LMTK2: variants seen among roughly 807,000 people sequenced by gnomAD.
LMTK2 encodes lemur tail kinase 2, also known as serine/threonine-protein kinase LMTK2.
A neutral mutation model predicts 127.5 loss-of-function variants in LMTK2; 37 were observed. That is an observed-to-expected ratio of 0.29 (90% CI 0.22 to 0.38). The LOEUF (loss-of-function observed/expected upper bound fraction) is 0.38. Among genes scored for constraint, LMTK2 ranks in the 10% least tolerant of loss-of-function variants. The pLI is 1.00. For missense variants in LMTK2, 1,694 were observed against 1,920.3 expected, an observed-to-expected ratio of 0.88 and a Z score of 2.20; for synonymous variants, 819 against 810.1, an observed-to-expected ratio of 1.01 and a Z score of -0.19.
Position 98,191,715 on chromosome 7 carries a change from A to T in LMTK2, c.1250A>T (p.Asp417Val). ...LTYLRLQSQR[D>V]SEVDFEQQWN... ...TACCTGCGGCTGCAGAGCCAGCGGG[A>T]CTCAGAGGTCGACTTTGAACAGCAG... is the stretch of plus-strand genomic sequence containing the variant. Residue 417 changes from aspartate to valine, a missense_variant, in exon 11 of 14, where the codon GAC (aspartate) becomes GTC (valine). This residue lies in a region of LMTK2 where 216 missense variants were observed against 266.8 expected (regional missense o/e 0.81). Coordinates refer to ENST00000297293, the MANE Select transcript of LMTK2 (RefSeq NM_014916.4). 6.2e-7 allele frequency: 1 copy of T among 1,614,168 alleles called. No individual in the cohort carries two copies. Among genetic ancestry groups the T allele is most frequent in the East Asian group, 2.2e-5 (1 of 44,872 alleles).
At chr7:98,165,065 C>T (rs966737910) in intron 6 of LMTK2, among the ~76,000 whole-genome samples, 6 of 152,208 alleles carry the variant, frequency 3.9e-5, no homozygotes, top group Non-Finnish European at 8.8e-5. Flanking sequence ...TGTCCTTTGA[C>T]AGTAGTGCGT....
In LMTK2 at chr7:98,208,106, C is replaced by A; in HGVS notation, c.*2614C>A. The A allele has an allele frequency of 6.7e-6, 1 of 149,596 alleles. No homozygotes were observed. The highest frequency in any genetic ancestry group is 2.5e-5 in the African/African-American group (1 of 40,430). The allele number at this position is 149,596 out of a possible 1,614,324, so 9.3% of individuals were successfully genotyped here. A position where few individuals can be genotyped will look rare whatever the true frequency, so the allele number is the denominator to read the frequency against. ...AGCCTGGGTAACAGCCAGACCCTGT[C>A]TCAAAAAAAAAAACAATTTTTTTCA... On this transcript the variant is annotated 3_prime_UTR_variant, in exon 14 of 14. Coordinates refer to ENST00000297293, the MANE Select transcript of LMTK2 (RefSeq NM_014916.4).
intron 6 of LMTK2, among the ~76,000 whole-genome samples, chr7:98,170,274 G>A (rs925149194): frequency 1.3e-5 from 2 of 152,116 alleles, no homozygotes; most frequent in Admixed American, 6.5e-5. Flanking sequence ...AAGCACAAAT[G>A]GTGGCAACTA....
At chr7:98,202,998 C>T (rs559584160) in intron 11 of LMTK2, among the ~76,000 whole-genome samples, 2 of 152,324 alleles carry the variant, frequency 1.3e-5, no homozygotes, top group Admixed American at 6.5e-5. Context: ...GGTCCCCTCC[C>T]GCTCGTGATC....
chr7:98,159,859 G>C (rs1796987192), intron 6 of LMTK2, among the ~76,000 whole-genome samples: 1 of 152,118 alleles, frequency 6.6e-6, no homozygotes, highest in African/African-American at 2.4e-5. Context: ...TTTACCTAGA[G>C]TACTCCTCAT....
At chr7:98,165,967 G>A (rs944459677) in intron 6 of LMTK2, among the ~76,000 whole-genome samples, 4 of 152,160 alleles carry the variant, frequency 2.6e-5, no homozygotes, top group East Asian at 1.9e-4. Context: ...TGATTGGGTC[G>A]GGGGTACGTT....
At chr7:98,170,734 G>T (rs1297651479) in intron 6 of LMTK2, among the ~76,000 whole-genome samples, 1 of 152,030 alleles carries the variant, frequency 6.6e-6, no homozygotes, top group African/African-American at 2.4e-5. Flanking sequence ...TCCCTCAGAA[G>T]GTGTTCCCCA....
intron 1 of LMTK2, among the ~76,000 whole-genome samples, chr7:98,134,908 G>C (rs929568786): frequency 6.6e-6 from 1 of 152,200 alleles, no homozygotes; most frequent in Non-Finnish European, 1.5e-5. Flanking sequence ...AGGAAGCACC[G>C]AGTTACCTCC....
chr7:98,152,425 C>A lies in LMTK2; in HGVS notation c.450+970C>A, dbSNP rs114866959. ...TCCCTTCAGCGTTGTCTGTATCTTT[C>A]ATGTCCTCCCAACTGTTTGAGTTCT... On this transcript the variant is annotated intron_variant, in intron 4 of 13. Transcript: ENST00000297293. 5.8e-3 allele frequency among the ~76,000 whole-genome samples: 890 copies of A among 152,338 alleles called. 10 individuals carry two copies. The highest frequency in any genetic ancestry group is 0.02 in the African/African-American group (829 of 41,570).
At chr7:98,109,377 T>C (rs1796165245) in intron 1 of LMTK2, among the ~76,000 whole-genome samples, 1 of 152,104 alleles carries the variant, frequency 6.6e-6, no homozygotes, top group African/African-American at 2.4e-5. Context: ...TTCTGATCTT[T>C]GTAGGATAGG....
chr7:98,159,527 C>T, intron 6 of LMTK2, 102 bp downstream of exon 6: 1 of 771,356 alleles, frequency 1.3e-6, no homozygotes, highest in Non-Finnish European at 2.3e-6. Flanking sequence ...TCATGTCTGT[C>T]CCCCACTTGA....
intron 6 of LMTK2, among the ~76,000 whole-genome samples, chr7:98,166,286 C>A (rs1417030502): frequency 2.0e-5 from 3 of 152,252 alleles, no homozygotes; most frequent in Non-Finnish European, 4.4e-5. Context: ...GCACCTGTAG[C>A]TGGAGCGCTG....
chr7:98,137,319 G>A lies in LMTK2; in HGVS notation c.108G>A (p.Glu36=), dbSNP rs1796609437. ...ATTATTTATCTCTCTTTCCAGGGGAGGCGCCACCTGCTGCAGAAGTTTCCT... is the reference window on the plus strand; with the variant it reads ...ATTATTTATCTCTCTTTCCAGGGGAAGCGCCACCTGCTGCAGAAGTTTCCT... ...AAPLPQTGAG[E]APPAAEVSSS... The change falls in exon 2 of 14, where the codon GAG becomes GAA. Residue 36 remains glutamate, a synonymous_variant. Coordinates refer to ENST00000297293, the MANE Select transcript of LMTK2 (RefSeq NM_014916.4). 3.1e-6 allele frequency: 5 copies of A among 1,608,138 alleles called. No homozygotes were observed. Among genetic ancestry groups the A allele is most frequent in the Non-Finnish European group, 4.2e-6 (5 of 1,178,474 alleles).
At position 98,107,226 on chromosome 7, in the gene LMTK2, G is replaced by GTCCTCCTGA; in HGVS notation, c.52_60dup (p.Leu18_Ile20dup). The GTCCTCCTGA allele has an allele frequency of 6.8e-7, 1 of 1,462,806 alleles. No individual in the cohort carries two copies. Among genetic ancestry groups the GTCCTCCTGA allele is most frequent in the Non-Finnish European group, 9.0e-7 (1 of 1,114,862 alleles). 90.6% of individuals were successfully genotyped at this position (1,462,806 alleles called of 1,614,324 possible). On this transcript the variant is annotated inframe_insertion, in exon 1 of 14. Transcript: ENST00000297293. ...GCGGAGGCTGCTGCTGCTGCTGCTG[G>GTCCTCCTGA]TCCTCCTGATCGCCGGCAGTGCTGG...
At chr7:98,143,068 C>T (rs1464456710) in intron 3 of LMTK2, among the ~76,000 whole-genome samples, 2 of 152,198 alleles carry the variant, frequency 1.3e-5, no homozygotes, top group Non-Finnish European at 2.9e-5. Context: ...AGCTTCTCTT[C>T]AGGATCTACT....
Position 98,193,008 on chromosome 7 carries a change from T to C in LMTK2, c.2543T>C (p.Ile848Thr), listed in dbSNP as rs949709351. Reference sequence around the variant, plus strand: ...ACCCAGCCCACGTGTTTAGATGTTATTGTCCCGGAGGACTGTCTCCACCAG... The same window carrying C: ...ACCCAGCCCACGTGTTTAGATGTTACTGTCCCGGAGGACTGTCTCCACCAG... Reference protein sequence around the residue: ...GETQPTCLDVIVPEDCLHQDI... With the variant: ...GETQPTCLDVTVPEDCLHQDI... The change falls in exon 11 of 14, where the codon ATT becomes ACT. Residue 848 changes from isoleucine to threonine, a missense_variant. Ile to Thr is a moderately conservative substitution (Grantham distance 89, BLOSUM62 -1). Transcript: ENST00000297293. This position sits in a 1 kb window ranked among gnomAD's most constrained non-coding sequence, Gnocchi z 4.1. The C allele has an allele frequency of 1.9e-6, 3 of 1,614,104 alleles. No individual in the cohort carries two copies. Among genetic ancestry groups the C allele is most frequent in the East Asian group, 4.5e-5 (2 of 44,866 alleles).
In LMTK2 at chr7:98,194,610, A is replaced by G. The variant is rs572877811; in HGVS notation, c.4107+38A>G. The G allele has an allele frequency of 2.7e-5, 41 of 1,510,598 alleles. No individual in the cohort carries two copies. Among genetic ancestry groups the G allele is most frequent in the Middle Eastern group, 3.5e-4 (2 of 5,726 alleles). The allele number at this position is 1,510,598 out of a possible 1,614,324, so 93.6% of individuals were successfully genotyped here. ...TCTAAATCATTTTCTATACACATCC[A>G]TATAAGGATTCCAAAATGTGCTAGG... On this transcript the variant is annotated intron_variant, in intron 11 of 13. Transcript: ENST00000297293. This position sits in a 1 kb window ranked among gnomAD's most constrained non-coding sequence, Gnocchi z 5.4.
Position 98,207,430 on chromosome 7 carries a change from T to A in LMTK2, c.*1938T>A, listed in dbSNP as rs1380741981. 1.3e-5 allele frequency: 2 copies of A among 151,810 alleles called. No individual in the cohort carries two copies. The highest frequency in any genetic ancestry group is 4.8e-5 in the African/African-American group (2 of 41,294). 9.4% of individuals were successfully genotyped at this position (151,810 alleles called of 1,614,324 possible). A position where few individuals can be genotyped will look rare whatever the true frequency, so the allele number is the denominator to read the frequency against. On this transcript the variant is annotated 3_prime_UTR_variant, in exon 14 of 14. Transcript: ENST00000297293. ...GAAGTTCAGGATGGAGAGAGTCCCC[T>A]CCTGTGTAGGCATGGGGTGGATGCG... is the stretch of plus-strand genomic sequence containing the variant.
chr7:98,149,232 C>A (rs963742418), intron 3 of LMTK2, among the ~76,000 whole-genome samples: 6 of 152,158 alleles, frequency 3.9e-5, no homozygotes, highest in Admixed American at 3.3e-4. Flanking sequence ...ACCCTGGTAC[C>A]CACCTGGGAA....
Sources: gnomAD v4.1 joint callset for allele counts (sites outside exome capture counted in the v4.1 genomes callset) on GRCh38, gnomAD v4.1.1 for gene constraint, gnomAD v4.1.1 regional missense constraint, Gnocchi (gnomAD v3.1) non-coding constraint, MANE v1.5 for transcripts, NCBI Gene and HGNC (gene_info 2026-07-23, HGNC 2026-07-21) for gene names.